The following ARB2A variants were observed in gnomAD, a reference collection of about 807,000 sequenced individuals.
ARB2A encodes the protein ARB2 cotranscriptional regulator A.
the ARB2A span, among the ~76,000 whole-genome samples, chr5:93,957,858 A>G: frequency 8.3e-4 from 127 of 152,154 alleles, no homozygotes; most frequent in African/African-American, 3.0e-3. Flanking sequence ...TCTTATAAAT[A>G]AAACAAATAA....
At chr5:93,864,581 A>G in the ARB2A span, among the ~76,000 whole-genome samples, 2 of 152,218 alleles carry the variant, frequency 1.3e-5, no homozygotes, top group African/African-American at 4.8e-5. Flanking sequence ...CATGCTACAT[A>G]ACCTTATGTA....
At chr5:93,799,086 T>A in the ARB2A span, among the ~76,000 whole-genome samples, 2 of 152,116 alleles carry the variant, frequency 1.3e-5, no homozygotes, top group Non-Finnish European at 2.9e-5. Flanking sequence ...TGTCAAATTA[T>A]TCAAATTTAT....
chr5:93,942,716 C>T, the ARB2A span, among the ~76,000 whole-genome samples: 1 of 151,042 alleles, frequency 6.6e-6, no homozygotes, highest in African/African-American at 2.4e-5. Flanking sequence ...AAAGTAAAAC[C>T]TACTCAAAGA....
chr5:93,791,227 C>T, the ARB2A span, among the ~76,000 whole-genome samples: 2 of 152,102 alleles, frequency 1.3e-5, no homozygotes, highest in African/African-American at 4.8e-5. Context: ...TCCAGTTTGC[C>T]CAGAACAGTC....
the ARB2A span, among the ~76,000 whole-genome samples, chr5:94,043,385 G>C: frequency 6.6e-6 from 1 of 152,192 alleles, no homozygotes; most frequent in Non-Finnish European, 1.5e-5. Context: ...TTGAAGGATA[G>C]TTGCTTCTCT....
At chr5:93,798,683 A>ACT in the ARB2A span, among the ~76,000 whole-genome samples, 1 of 152,152 alleles carries the variant, frequency 6.6e-6, no homozygotes, top group Non-Finnish European at 1.5e-5. Context: ...GAAAACAGAT[A>ACT]AAGTGACTTA....
At chr5:94,064,075 T>C in the ARB2A span, among the ~76,000 whole-genome samples, 3 of 151,656 alleles carry the variant, frequency 2.0e-5, no homozygotes, top group Non-Finnish European at 2.9e-5. Context: ...TACAAGGGAA[T>C]ACAAAAAAGC....
chr5:93,925,077 TA>T, the ARB2A span, among the ~76,000 whole-genome samples: 1 of 151,814 alleles, frequency 6.6e-6, no homozygotes, highest in South Asian at 2.1e-4. Context: ...GTATGGTCAT[TA>T]AAAAAAAGAA....
At chr5:93,811,714 TAAAAGTGTTATGAGGATTA>T in the ARB2A span, among the ~76,000 whole-genome samples, 1 of 152,158 alleles carries the variant, frequency 6.6e-6, no homozygotes, top group African/African-American at 2.4e-5. Flanking sequence ...CAGTATCTCA[TAAAAGTGTTATGAGGATTA>T]AATGAGATAA....
chr5:93,874,001 G>C, the ARB2A span, among the ~76,000 whole-genome samples: 1 of 152,116 alleles, frequency 6.6e-6, no homozygotes, highest in Non-Finnish European at 1.5e-5. Flanking sequence ...TCATTTTCGG[G>C]GGAATATATC....
the ARB2A span, among the ~76,000 whole-genome samples, chr5:93,899,774 T>C: frequency 4.6e-5 from 7 of 152,330 alleles, no homozygotes; most frequent in African/African-American, 7.2e-5. Flanking sequence ...AAATGTCACA[T>C]AGTAGATTAT....
chr5:93,794,313 T>C, the ARB2A span, among the ~76,000 whole-genome samples: 1 of 152,076 alleles, frequency 6.6e-6, no homozygotes, highest in Non-Finnish European at 1.5e-5. Flanking sequence ...CTGAAGAACT[T>C]TCCTTTCATA....
At chr5:93,662,791 T>G in the ARB2A span, among the ~76,000 whole-genome samples, 73 of 152,322 alleles carry the variant, frequency 4.8e-4, 1 homozygote, top group African/African-American at 1.7e-3. Context: ...TCTTTTGAGT[T>G]TTACTCCATT....
At chr5:94,093,751 T>C in the ARB2A span, among the ~76,000 whole-genome samples, 3 of 152,194 alleles carry the variant, frequency 2.0e-5, no homozygotes, top group African/African-American at 7.2e-5. Context: ...GTTCAAAGTT[T>C]CATCTAAATA....
At chr5:94,075,407 G>A in the ARB2A span, among the ~76,000 whole-genome samples, 1 of 151,840 alleles carries the variant, frequency 6.6e-6, no homozygotes, top group Non-Finnish European at 1.5e-5. Context: ...TATTAAAATC[G>A]AATTCTGCTC....
At chr5:93,728,582 T>C in the ARB2A span, among the ~76,000 whole-genome samples, 1 of 152,070 alleles carries the variant, frequency 6.6e-6, no homozygotes, top group Non-Finnish European at 1.5e-5. Context: ...AATTGACTCT[T>C]GATAAGAACA....
the ARB2A span, among the ~76,000 whole-genome samples, chr5:94,021,677 T>C: frequency 3.3e-5 from 5 of 152,196 alleles, no homozygotes; most frequent in African/African-American, 7.2e-5. Flanking sequence ...AAATGGAGAC[T>C]GGAGTTTGCA....
At chr5:93,770,973 CA>C in the ARB2A span, among the ~76,000 whole-genome samples, 1 of 151,924 alleles carries the variant, frequency 6.6e-6, no homozygotes, top group Non-Finnish European at 1.5e-5. Context: ...CATATGGAAC[CA>C]AAAAAGAGCC....
chr5:93,901,336 G>T, the ARB2A span, among the ~76,000 whole-genome samples: 1 of 152,120 alleles, frequency 6.6e-6, no homozygotes, highest in Non-Finnish European at 1.5e-5. Flanking sequence ...TCTTCTTCAG[G>T]GAAACCTGAG....
Sources: allele counts gnomAD v4.1 joint callset (sites outside exome capture counted in the v4.1 genomes callset), GRCh38; gene constraint gnomAD v4.1.1; transcripts MANE v1.5; gene names NCBI Gene and HGNC (gene_info 2026-07-23, HGNC 2026-07-21).